Variants in CHL1 observed in about 807,000 individuals in gnomAD.
The protein encoded by CHL1 is cell adhesion molecule L1 like.
A neutral mutation model predicts 141.9 loss-of-function variants in CHL1; 96 were observed. The ratio of observed to expected loss-of-function variants is 0.68; its 90% CI spans 0.57 to 0.80. CHL1 has a LOEUF of 0.80. CHL1 is among the 30% of genes least tolerant of loss of function. The pLI is 0.00. For missense variants in CHL1, 1,820 were observed against 1,457.2 expected, an observed-to-expected ratio of 1.25 and a Z score of -4.05; for synonymous variants, 613 against 502.2, an observed-to-expected ratio of 1.22 and a Z score of -2.95.
At chr3:224,210 ATTTT>A (rs1701120933) in intron 1 of CHL1, among the ~76,000 whole-genome samples, 1 of 152,082 alleles carries the variant, frequency 6.6e-6, no homozygotes, top group Non-Finnish European at 1.5e-5. Flanking sequence ...GGGAAGGGCT[ATTTT>A]TATCCTTGTT....
intron 2 of CHL1, among the ~76,000 whole-genome samples, chr3:257,422 C>T (rs977182388): frequency 8.0e-5 from 12 of 150,524 alleles, no homozygotes; most frequent in African/African-American, 2.7e-4. Context: ...GGCACCACCT[C>T]GGCTCACTGC....
chr3:316,590 A>T (rs775561907), intron 2 of CHL1, among the ~76,000 whole-genome samples: 1 of 151,998 alleles, frequency 6.6e-6, no homozygotes, highest in Non-Finnish European at 1.5e-5. Flanking sequence ...AATATAAGCT[A>T]TCAGACATCA....
In CHL1 at chr3:408,939, A is replaced by T. The variant is rs1357389322; in HGVS notation, c.*3228A>T. ...TCAAATAATATTTTTTTCCTATTTT[A>T]TACTCATGGAAGAGATAAGCTAAAG... On this transcript the variant is annotated 3_prime_UTR_variant, in exon 28 of 28. Transcript: ENST00000256509. The T allele has an allele frequency of 6.6e-6, 1 of 152,080 alleles. No individual in the cohort carries two copies. Among genetic ancestry groups the T allele is most frequent in the Non-Finnish European group, 1.5e-5 (1 of 67,980 alleles). The allele number at this position is 152,080 out of a possible 1,614,324, so 9.4% of individuals were successfully genotyped here.
At chr3:249,095 G>T (rs1163501254) in intron 2 of CHL1, among the ~76,000 whole-genome samples, 3 of 152,152 alleles carry the variant, frequency 2.0e-5, no homozygotes, top group Non-Finnish European at 4.4e-5. Flanking sequence ...CTAAACAGTG[G>T]ATTTTATTGG....
At chr3:270,814 G>A (rs546563659) in intron 2 of CHL1, among the ~76,000 whole-genome samples, 1 of 152,340 alleles carries the variant, frequency 6.6e-6, no homozygotes, top group South Asian at 2.1e-4. Context: ...CGTAGTGGAC[G>A]TCTGCTGCCA....
At position 328,311 on chromosome 3, in the gene CHL1, A is replaced by G. The variant is rs1162407393; in HGVS notation, c.342A>G (p.Lys114=). The G allele has an allele frequency of 1.6e-5, 25 of 1,612,054 alleles. No individual in the cohort carries two copies. The highest frequency in any genetic ancestry group is 1.9e-5 in the Non-Finnish European group (22 of 1,178,878). ...QGKYRCFASN[K]LGIAMSEEIE... ...AATACCGCTGCTTTGCTTCAAATAA[A>G]CTGGGAATCGCTATGTCAGAAGAAA... Residue 114 remains lysine, a synonymous_variant, in exon 5 of 28, where the codon AAA becomes AAG. Transcript: ENST00000256509.
intron 14 of CHL1, 179 bp downstream of exon 14, chr3:363,562 C>A: frequency 1.7e-6 from 1 of 577,792 alleles, no homozygotes; most frequent in Non-Finnish European, 3.0e-6. Flanking sequence ...ACAGGGTATG[C>A]CCATGATATG....
At chr3:318,024 G>T (rs924106163) in intron 2 of CHL1, among the ~76,000 whole-genome samples, 1 of 151,872 alleles carries the variant, frequency 6.6e-6, no homozygotes, top group Non-Finnish European at 1.5e-5. Context: ...AGATGGGTCA[G>T]TTGAGGTCAG....
intron 1 of CHL1, among the ~76,000 whole-genome samples, chr3:239,761 C>T (rs1309518929): frequency 1.3e-5 from 2 of 151,960 alleles, no homozygotes; most frequent in African/African-American, 2.4e-5. Context: ...CCCACTCCCA[C>T]CCTTTCCCCC....
chr3:201,356 C>A (rs1698917834), intron 1 of CHL1, among the ~76,000 whole-genome samples: 1 of 152,182 alleles, frequency 6.6e-6, no homozygotes, highest in African/African-American at 2.4e-5. Context: ...GTGTTTAGAT[C>A]ATAAAAATAC....
intron 2 of CHL1, among the ~76,000 whole-genome samples, chr3:308,227 T>C (rs533290146): frequency 2.5e-4 from 38 of 152,238 alleles, no homozygotes; most frequent in Admixed American, 4.6e-4. Flanking sequence ...TATATTCTTT[T>C]GTGGACATAT....
At chr3:231,635 TG>T (rs1701872784) in intron 1 of CHL1, among the ~76,000 whole-genome samples, 2 of 144,486 alleles carry the variant, frequency 1.4e-5, no homozygotes, top group Non-Finnish European at 3.0e-5. Context: ...TGGAGTGCAG[TG>T]GCACAATCCT....
chr3:279,910 A>G (rs772382790), intron 2 of CHL1, among the ~76,000 whole-genome samples: 6 of 152,158 alleles, frequency 3.9e-5, no homozygotes, highest in Non-Finnish European at 1.5e-5. Context: ...AAAATGTGTT[A>G]ATGCCTTTAC....
At chr3:383,943 C>A in intron 19 of CHL1, 57 bp downstream of exon 19, 1 of 1,177,794 alleles carries the variant, frequency 8.5e-7, no homozygotes. Context: ...CCTCTTAGGT[C>A]TGCATGCTAA....
chr3:345,008 T>C (rs772758336), intron 9 of CHL1, among the ~76,000 whole-genome samples: 4 of 152,008 alleles, frequency 2.6e-5, no homozygotes, highest in African/African-American at 9.7e-5. Context: ...GAAATTAAAA[T>C]TAATAAAATA....
intron 11 of CHL1, among the ~76,000 whole-genome samples, chr3:359,336 CTCCA>C (rs1704000164): frequency 6.6e-6 from 1 of 151,728 alleles, no homozygotes; most frequent in African/African-American, 2.4e-5. Flanking sequence ...TAAAGTCTCT[CTCCA>C]TCACCCAGTC....
intron 2 of CHL1, among the ~76,000 whole-genome samples, chr3:255,302 A>G (rs1386250324): frequency 6.6e-6 from 1 of 152,214 alleles, no homozygotes; most frequent in Non-Finnish European, 1.5e-5. Flanking sequence ...CCCAGCTGCT[A>G]GGATTCAAAG....
intron 2 of CHL1, among the ~76,000 whole-genome samples, chr3:285,589 C>G (rs1232600885): frequency 4.6e-5 from 7 of 152,156 alleles, no homozygotes. Context: ...TCCTCCCCAG[C>G]TGTGTACTCT....
chr3:280,063 A>T (rs927134786), intron 2 of CHL1, among the ~76,000 whole-genome samples: 7 of 152,234 alleles, frequency 4.6e-5, no homozygotes, highest in Non-Finnish European at 7.3e-5. Flanking sequence ...AAAGAAAATA[A>T]AAAGAAATAA....
Sources: allele counts gnomAD v4.1 joint callset (sites outside exome capture counted in the v4.1 genomes callset), GRCh38; gene constraint gnomAD v4.1.1; transcripts MANE v1.5; gene names NCBI Gene and HGNC (gene_info 2026-07-23, HGNC 2026-07-21).